HAS3: variants seen among roughly 807,000 people sequenced by gnomAD.
HAS3 encodes HA synthase 3.
A neutral mutation model predicts 50.3 loss-of-function variants in HAS3; 27 were observed. The ratio of observed to expected loss-of-function variants is 0.54; its 90% CI spans 0.40 to 0.74. The LOEUF (loss-of-function observed/expected upper bound fraction) is 0.74. Among genes scored for constraint, HAS3 ranks in the 30% least tolerant of loss-of-function variants. The probability of loss-of-function intolerance (pLI) is 0.00; values close to 1 mark genes in which losing one functional copy is unlikely to be tolerated. For synonymous variants in HAS3, 339 were observed against 310.9 expected, an observed-to-expected ratio of 1.09 and a Z score of -0.95; for missense variants, 517 against 742.8, an observed-to-expected ratio of 0.70 and a Z score of 3.53.
the HAS3 span, among the ~76,000 whole-genome samples, chr16:69,089,160 G>A: frequency 6.4e-4 from 98 of 152,078 alleles, no homozygotes; most frequent in South Asian, 4.2e-4. Flanking sequence ...CTTTGTCTGC[G>A]AGGGTGACTG....
chr16:69,094,980 C>CTT, the HAS3 span, among the ~76,000 whole-genome samples: 245 of 124,902 alleles, frequency 2.0e-3, 3 homozygotes, highest in African/African-American at 2.4e-3. Context: ...CCATTGTTAA[C>CTT]TTTTTTTTTT....
chr16:69,118,127 AC>A, downstream of HAS3: 1 of 138,046 alleles, frequency 7.2e-6, no homozygotes. Flanking sequence ...TTCATCCCCC[AC>A]CCCCACCCTA....
chr16:69,116,394 T>C lies in HAS3; in HGVS notation c.*1128T>C. 1 of 985,898 alleles carries C rather than the reference T, an allele frequency of 1.0e-6. No individual in the cohort carries two copies. Among genetic ancestry groups the C allele is most frequent in the Non-Finnish European group, 1.2e-6 (1 of 829,904 alleles). The allele number at this position is 985,898 out of a possible 1,614,324, so 61.1% of individuals were successfully genotyped here. A position where few individuals can be genotyped will look rare whatever the true frequency, so the allele number is the denominator to read the frequency against. On this transcript the variant is annotated 3_prime_UTR_variant, in exon 4 of 4. Transcript: ENST00000569188. ...AAATTGGCTACAATCTTGGAGCTGCTTGGACGGATTCCTTGGCAGCCGGGT... is the reference window on the plus strand; with the variant it reads ...AAATTGGCTACAATCTTGGAGCTGCCTGGACGGATTCCTTGGCAGCCGGGT...
Position 69,115,271 on chromosome 16 carries a change from GC to G in HAS3, c.*10del. ...TTGGCTTTTGCTGAGGTGTGACATG[GC>G]CCCCAAGCAGAGCGGGTAAAGTGCA... On this transcript the variant is annotated 3_prime_UTR_variant, in exon 4 of 4. Transcript: ENST00000569188. 2 of 1,514,180 alleles carry G rather than the reference GC, an allele frequency of 1.3e-6. No individual in the cohort carries two copies. 93.8% of individuals were successfully genotyped at this position (1,514,180 alleles called of 1,614,324 possible).
chr16:69,113,658 GCTGGCAGTTTTCA>G, intron 3 of HAS3, 116 bp downstream of exon 3: 1 of 640,628 alleles, frequency 1.6e-6, no homozygotes, highest in South Asian at 1.9e-5. Context: ...GAGGTTCCTC[GCTGGCAGTTTTCA>G]CTGACACCAA....
Position 69,114,174 on chromosome 16 carries a change from G to T in HAS3, c.739-169G>T, listed in dbSNP as rs1365353502. Among the ~76,000 whole-genome samples the T allele has an allele frequency of 6.6e-6, 1 of 152,212 alleles. No homozygotes were observed. The highest frequency in any genetic ancestry group is 2.4e-5 in the African/African-American group (1 of 41,452). ...AGAGCTGGTGCTGGGGACAGGGATT[G>T]TGTGTGGTTGGCTCCTCTGAGCCTC... On this transcript the variant is annotated intron_variant, in intron 3 of 3. Transcript: ENST00000569188. The surrounding 1 kb of genome is among the most constrained non-coding windows in gnomAD (Gnocchi z 6.4).
chr16:69,113,352 C>T (rs61198601), intron 2 of HAS3, 89 bp from the exon 3 acceptor site: 3 of 847,068 alleles, frequency 3.5e-6, no homozygotes, highest in African/African-American at 3.3e-5. Flanking sequence ...GGTCATGTCT[C>T]TCAGGCAGTG....
chr16:69,097,592 C>T, the HAS3 span, among the ~76,000 whole-genome samples: 2 of 152,134 alleles, frequency 1.3e-5, no homozygotes, highest in Non-Finnish European at 2.9e-5. Flanking sequence ...CAGACACTTG[C>T]GTGGGAGTAG....
chr16:69,085,128 C>T, the HAS3 span: 7 of 152,444 alleles, frequency 4.6e-5, no homozygotes, highest in African/African-American at 1.7e-4. Context: ...AGAAGAATCT[C>T]CTTTGGGCCA....
In HAS3 at chr16:69,114,504, G is replaced by A; in HGVS notation, c.900G>A (p.Glu300=). ...ACAGCCTCCTCCAGCAGTTCCTGGA[G>A]GACTGGTACCATCAGAAGTTCCTAG... ...YRNSLLQQFL[E]DWYHQKFLGS... is the part of the protein sequence containing the mutation. Residue 300 remains glutamate (E), a synonymous_variant, in exon 4 of 4, where the codon GAG becomes GAA. Transcript: ENST00000569188. This position sits in a 1 kb window ranked among gnomAD's most constrained non-coding sequence, Gnocchi z 6.4. 2 of 1,614,104 alleles carry A rather than the reference G, an allele frequency of 1.2e-6. No individual in the cohort carries two copies. Among genetic ancestry groups the A allele is most frequent in the Middle Eastern group, 1.6e-4 (1 of 6,062 alleles).
the HAS3 span, among the ~76,000 whole-genome samples, chr16:69,098,377 A>C: frequency 6.6e-6 from 1 of 152,040 alleles, no homozygotes; most frequent in Admixed American, 6.5e-5. Context: ...TGTCAAAAAA[A>C]AAAAAGGAAA....
At chr16:69,097,014 C>T in the HAS3 span, among the ~76,000 whole-genome samples, 15 of 151,734 alleles carry the variant, frequency 9.9e-5, no homozygotes, top group South Asian at 2.1e-4. Flanking sequence ...AAAAAGTAGC[C>T]GGGCATGGTG....
rs781432028 is a variant in HAS3 at position 69,114,915 on chromosome 16, C to A, written c.1311C>A (p.Ile437=). The A allele has an allele frequency of 5.6e-6, 9 of 1,614,040 alleles. No individual in the cohort carries two copies. The highest frequency in any genetic ancestry group is 7.6e-6 in the Non-Finnish European group (9 of 1,180,048). ...ACFLRGNAEM[I]FMSLYSLLYM... ...TCCTTCGGGGCAATGCAGAGATGATCTTCATGTCCCTCTACTCCCTCCTCT... is the reference window on the plus strand; with the variant it reads ...TCCTTCGGGGCAATGCAGAGATGATATTCATGTCCCTCTACTCCCTCCTCT... The change falls in exon 4 of 4, where the codon ATC becomes ATA. Residue 437 remains isoleucine (I), a synonymous_variant. Transcript: ENST00000569188. The surrounding 1 kb of genome is among the most constrained non-coding windows in gnomAD (Gnocchi z 6.4).
At position 69,115,554 on chromosome 16, in the gene HAS3, G is replaced by C. The variant is rs1265492596; in HGVS notation, c.*288G>C. On this transcript the variant is annotated 3_prime_UTR_variant, in exon 4 of 4. Transcript: ENST00000569188. Reference sequence around the variant, plus strand: ...CAGTAGCCTCCTCCTGGGCTCCAGAGGGCACTCAGAAGTTGTGCTAAACCA... The same window carrying C: ...CAGTAGCCTCCTCCTGGGCTCCAGACGGCACTCAGAAGTTGTGCTAAACCA... The C allele has an allele frequency of 1.8e-5, 20 of 1,133,430 alleles. No homozygotes were observed. Among genetic ancestry groups the C allele is most frequent in the Non-Finnish European group, 2.2e-5 (20 of 924,190 alleles). 70.2% of individuals were successfully genotyped at this position (1,133,430 alleles called of 1,614,324 possible).
chr16:69,105,014 T>G (rs1294721107), upstream of HAS3, among the ~76,000 whole-genome samples: 15 of 100,022 alleles, frequency 1.5e-4, no homozygotes, highest in Middle Eastern at 5.2e-3. Flanking sequence ...TTTTTTTTTT[T>G]TTTTTTTTTT....
At position 69,115,532 on chromosome 16, in the gene HAS3, T is replaced by A. The variant is rs752430909; in HGVS notation, c.*266T>A. On this transcript the variant is annotated 3_prime_UTR_variant, in exon 4 of 4. Transcript: ENST00000569188. The stretch of plus-strand genomic sequence containing the variant: ...TCTGCTTGCATCTGCACATAGGCAG[T>A]AGCCTCCTCCTGGGCTCCAGAGGGC... 8.5e-7 allele frequency: 1 copy of A among 1,175,882 alleles called. No individual in the cohort carries two copies. The highest frequency in any genetic ancestry group is 1.1e-6 in the Non-Finnish European group (1 of 950,996). 72.8% of individuals were successfully genotyped at this position (1,175,882 alleles called of 1,614,324 possible).
chr16:69,109,839 CTTT>C lies in HAS3; in HGVS notation c.445_447del (p.Phe149del), dbSNP rs766533894. Reference sequence around the variant, plus strand: ...TGGGCGGCACCGAGCAGGCCGGCTTCTTTGTGTGGCGCAGCAACTTCCATGAGG... The same window carrying C: ...TGGGCGGCACCGAGCAGGCCGGCTTCGTGTGGCGCAGCAACTTCCATGAGG... On this transcript the variant is annotated inframe_deletion, in exon 2 of 4. Coordinates refer to ENST00000569188, the MANE Select transcript of HAS3 (RefSeq NM_001199280.2). This position sits in a 1 kb window ranked among gnomAD's most constrained non-coding sequence, Gnocchi z 5.3. The C allele has an allele frequency of 2.5e-6, 4 of 1,613,256 alleles. No individual in the cohort carries two copies. The highest frequency in any genetic ancestry group is 2.7e-5 in the African/African-American group (2 of 74,952).
At position 69,116,237 on chromosome 16, in the gene HAS3, C is replaced by A; in HGVS notation, c.*971C>A. The stretch of plus-strand genomic sequence containing the variant: ...TTTTTTGAGGTATCACTGCAGTCAC[C>A]TCTTCTACCCTCATCATCATAGGTA... On this transcript the variant is annotated 3_prime_UTR_variant, in exon 4 of 4. Coordinates refer to ENST00000569188, the MANE Select transcript of HAS3 (RefSeq NM_001199280.2). The A allele has an allele frequency of 1.0e-6, 1 of 985,594 alleles. No homozygotes were observed. The highest frequency in any genetic ancestry group is 1.1e-4 in the East Asian group (1 of 8,822). 61.1% of individuals were successfully genotyped at this position (985,594 alleles called of 1,614,324 possible). A position where few individuals can be genotyped will look rare whatever the true frequency, so the allele number is the denominator to read the frequency against.
upstream of HAS3, among the ~76,000 whole-genome samples, chr16:69,104,486 T>G (rs1823569207): frequency 6.6e-6 from 1 of 151,926 alleles, no homozygotes; most frequent in African/African-American, 2.4e-5. Flanking sequence ...TTAGTAGAGA[T>G]AGGGTTTCAC....
Sources: allele counts gnomAD v4.1 joint callset (sites outside exome capture counted in the v4.1 genomes callset), GRCh38; gene constraint gnomAD v4.1.1; non-coding constraint Gnocchi (gnomAD v3.1); transcripts MANE v1.5; gene names NCBI Gene and HGNC (gene_info 2026-07-23, HGNC 2026-07-21).